Variants in KCNQ5 observed in about 807,000 individuals in gnomAD.
KCNQ5 encodes the protein potassium voltage-gated channel subfamily Q member 5.
Under a neutral mutation model 98.2 loss-of-function variants are expected in KCNQ5, and 30 were observed. The ratio of observed to expected loss-of-function variants is 0.31; its 90% CI spans 0.23 to 0.41. KCNQ5 has a LOEUF of 0.41. Among genes scored for constraint, KCNQ5 ranks in the 10% least tolerant of loss-of-function variants. KCNQ5 has a pLI of 1.00. For missense variants in KCNQ5, 835 were observed against 1,182.5 expected, an observed-to-expected ratio of 0.71 and a Z score of 4.31; for synonymous variants, 458 against 449.4, an observed-to-expected ratio of 1.02 and a Z score of -0.24.
chr6:72,625,273 T>A (rs890380424), intron 1 of KCNQ5, among the ~76,000 whole-genome samples: 1 of 152,244 alleles, frequency 6.6e-6, no homozygotes, highest in Non-Finnish European at 1.5e-5. Flanking sequence ...CCTAGCCTAT[T>A]GATAGGATGG....
intron 1 of KCNQ5, among the ~76,000 whole-genome samples, chr6:72,764,038 A>G (rs569214320): frequency 7.2e-5 from 11 of 152,110 alleles, no homozygotes; most frequent in Non-Finnish European, 1.6e-4. Context: ...ATAAGGTCTT[A>G]TAATCATTAT....
intron 2 of KCNQ5, among the ~76,000 whole-genome samples, chr6:73,015,087 G>C (rs2150333787): frequency 6.6e-6 from 1 of 152,164 alleles, no homozygotes; most frequent in Middle Eastern, 3.4e-3. Flanking sequence ...ATCCATTCGA[G>C]GATATTAAAT....
At chr6:73,029,381 C>T (rs906657366) in intron 2 of KCNQ5, among the ~76,000 whole-genome samples, 9 of 151,950 alleles carry the variant, frequency 5.9e-5, no homozygotes, top group African/African-American at 2.2e-4. Context: ...ACCATTAAAT[C>T]TAACTGCTAA....
At chr6:72,975,434 T>C (rs1228887769) in intron 1 of KCNQ5, among the ~76,000 whole-genome samples, 2 of 152,200 alleles carry the variant, frequency 1.3e-5, no homozygotes, top group Non-Finnish European at 2.9e-5. Flanking sequence ...TTCTGATCTA[T>C]AAAATACTTC....
intron 1 of KCNQ5, among the ~76,000 whole-genome samples, chr6:72,731,499 T>C (rs1018746193): frequency 6.6e-6 from 1 of 152,228 alleles, no homozygotes; most frequent in Non-Finnish European, 1.5e-5. Flanking sequence ...AACTAACGCA[T>C]CTGTGATTCA....
intron 1 of KCNQ5, among the ~76,000 whole-genome samples, chr6:72,672,107 C>A (rs962247526): frequency 6.6e-6 from 1 of 151,366 alleles, no homozygotes; most frequent in African/African-American, 2.4e-5. Flanking sequence ...TGAGCCACGA[C>A]GCCTGGCCTA....
chr6:72,778,347 G>C (rs541240497), intron 1 of KCNQ5, among the ~76,000 whole-genome samples: 20 of 152,096 alleles, frequency 1.3e-4, no homozygotes, highest in African/African-American at 4.6e-4. Context: ...GACCTGCCTG[G>C]GTAACCTGAC....
At chr6:72,979,613 C>T (rs1768334179) in intron 1 of KCNQ5, among the ~76,000 whole-genome samples, 1 of 152,056 alleles carries the variant, frequency 6.6e-6, no homozygotes, top group East Asian at 1.9e-4. Flanking sequence ...AAATTTTCTC[C>T]CATTCTGTAG....
chr6:72,766,304 G>C (rs1201195812), intron 1 of KCNQ5, among the ~76,000 whole-genome samples: 1 of 152,024 alleles, frequency 6.6e-6, no homozygotes, highest in East Asian at 1.9e-4. Context: ...CTGGAGGCCA[G>C]CTAAAAGCTA....
intron 8 of KCNQ5, among the ~76,000 whole-genome samples, chr6:73,121,435 G>A (rs1338608329): frequency 4.6e-5 from 7 of 151,974 alleles, no homozygotes; most frequent in Non-Finnish European, 8.8e-5. Context: ...CCTAATTAAA[G>A]AAGTCCTCAT....
intron 1 of KCNQ5, among the ~76,000 whole-genome samples, chr6:72,744,677 G>T (rs1393780064): frequency 1.3e-5 from 2 of 152,064 alleles, no homozygotes; most frequent in Non-Finnish European, 2.9e-5. Context: ...TGGGTGTGGT[G>T]GTGGGAGCCT....
intron 1 of KCNQ5, among the ~76,000 whole-genome samples, chr6:72,933,214 T>C (rs778978907): frequency 9.2e-5 from 14 of 152,196 alleles, no homozygotes; most frequent in Non-Finnish European, 1.8e-4. Flanking sequence ...GTTAAGGATT[T>C]AAAAGTTTTA....
In KCNQ5 at chr6:72,671,173, C is replaced by G. The variant is rs1297824438; in HGVS notation, c.398+48586C>G. 4.5e-4 allele frequency among the ~76,000 whole-genome samples: 69 copies of G among 152,102 alleles called. 1 individual carries two copies. The highest frequency in any genetic ancestry group is 4.5e-3 in the Admixed American group (69 of 15,266). Reference sequence around the variant, plus strand: ...CGTTCTCTCAGGCCTTCTCCCTTTTCTTTTGGAGCTCTCAGATTTGAGGGA... The same window carrying G: ...CGTTCTCTCAGGCCTTCTCCCTTTTGTTTTGGAGCTCTCAGATTTGAGGGA... On this transcript the variant is annotated intron_variant, in intron 1 of 13. Transcript: ENST00000370398.
chr6:73,049,236 C>T (rs1238406057), intron 3 of KCNQ5, among the ~76,000 whole-genome samples: 2 of 152,178 alleles, frequency 1.3e-5, no homozygotes, highest in African/African-American at 2.4e-5. Flanking sequence ...GGATAATGTA[C>T]TGTGCAGGAG....
intron 1 of KCNQ5, among the ~76,000 whole-genome samples, chr6:72,967,480 C>A (rs978479407): frequency 1.3e-5 from 2 of 152,026 alleles, no homozygotes; most frequent in Non-Finnish European, 2.9e-5. Context: ...ATATATTTTT[C>A]ATTTTTTTCT....
At chr6:73,122,185 A>G (rs1775775582) in intron 8 of KCNQ5, among the ~76,000 whole-genome samples, 1 of 152,128 alleles carries the variant, frequency 6.6e-6, no homozygotes, top group Admixed American at 6.6e-5. Flanking sequence ...TAGAAATTGT[A>G]TTTCTTGTCT....
intron 2 of KCNQ5, among the ~76,000 whole-genome samples, chr6:73,030,034 G>A (rs191185393): frequency 6.6e-6 from 1 of 151,396 alleles, no homozygotes; most frequent in Admixed American, 6.6e-5. Context: ...ATTTCATGAA[G>A]AATACACTGT....
chr6:72,727,398 T>C (rs1382763978), intron 1 of KCNQ5, among the ~76,000 whole-genome samples: 2 of 152,248 alleles, frequency 1.3e-5, no homozygotes, highest in African/African-American at 4.8e-5. Context: ...ACATTATTCT[T>C]CATATTAAAA....
intron 2 of KCNQ5, among the ~76,000 whole-genome samples, chr6:73,014,296 A>G (rs554638592): frequency 2.0e-5 from 3 of 152,050 alleles, no homozygotes; most frequent in Non-Finnish European, 4.4e-5. Flanking sequence ...GAGAAAAGAG[A>G]ACTCCATTTG....
Sources: allele counts gnomAD v4.1 joint callset (sites outside exome capture counted in the v4.1 genomes callset), GRCh38; gene constraint gnomAD v4.1.1; transcripts MANE v1.5; gene names NCBI Gene and HGNC (gene_info 2026-07-23, HGNC 2026-07-21).